Variants in IL17RD observed in about 807,000 individuals in gnomAD.
IL17RD encodes the protein interleukin-17 receptor D.
In IL17RD, 52 loss-of-function variants were observed where a neutral mutation model predicts 80.5. The ratio of observed to expected loss-of-function variants is 0.65; its 90% CI spans 0.52 to 0.81. IL17RD has a LOEUF of 0.81. Ranked by LOEUF, IL17RD falls within the 40% of genes least tolerant of loss-of-function variation. The probability of loss-of-function intolerance (pLI) is 0.00; values close to 1 mark genes in which losing one functional copy is unlikely to be tolerated. For synonymous variants in IL17RD, 416 were observed against 391.8 expected (o/e 1.06, Z -0.73); for missense variants, 1,024 against 955.1 (o/e 1.07, Z -0.95).
chr3:57,134,652 C>T (rs1010233733), intron 1 of IL17RD: 23 of 753,076 alleles, frequency 3.1e-5, no homozygotes, highest in Non-Finnish European at 5.4e-5. Context: ...ACGCAAGCAC[C>T]ATGAAGACCG....
chr3:57,140,028 A>C (rs1417343412), intron 1 of IL17RD, among the ~76,000 whole-genome samples: 1 of 152,174 alleles, frequency 6.6e-6, no homozygotes, highest in Non-Finnish European at 1.5e-5. Context: ...GGCCCTGGAA[A>C]AAAGTACTGA....
chr3:57,134,736 T>A, intron 1 of IL17RD: 1 of 623,270 alleles, frequency 1.6e-6, no homozygotes, highest in South Asian at 1.5e-5. Flanking sequence ...GCTCCCCCTT[T>A]GTCTGTACAT....
intron 1 of IL17RD, among the ~76,000 whole-genome samples, chr3:57,139,869 C>A (rs1286674930): frequency 2.0e-5 from 3 of 152,128 alleles, no homozygotes; most frequent in Non-Finnish European, 4.4e-5. Context: ...ACTGCTAGAT[C>A]ATTTAAAATA....
intron 1 of IL17RD, among the ~76,000 whole-genome samples, chr3:57,149,028 C>T (rs926212530): frequency 1.3e-5 from 2 of 152,248 alleles, no homozygotes; most frequent in South Asian, 4.1e-4. Flanking sequence ...AAGCAGATTC[C>T]TGGCCAGGCG....
At chr3:57,103,482 G>A (rs559380518) in intron 8 of IL17RD, among the ~76,000 whole-genome samples, 1 of 152,104 alleles carries the variant, frequency 6.6e-6, no homozygotes, top group Non-Finnish European at 1.5e-5. Context: ...GATTTTACTG[G>A]GCCTCCATTA....
rs138685923 is a variant in IL17RD, at chr3:57,159,695, TG to T, written c.126+5465del. Among the ~76,000 whole-genome samples, 1,492 of 152,082 alleles carry T rather than the reference TG, an allele frequency of 9.8e-3. 15 individuals are homozygous for T. The highest frequency in any genetic ancestry group is 0.034 in the African/African-American group (1,421 of 41,486). ...TCCAAATTTGGGAGTAGATGGGAAA[TG>T]GAAAAGGTCTGGCTGCCAGGGCAGG... On this transcript the variant is annotated intron_variant, in intron 1 of 12. Coordinates refer to ENST00000296318, the MANE Select transcript of IL17RD (RefSeq NM_017563.5).
intron 1 of IL17RD, among the ~76,000 whole-genome samples, chr3:57,161,803 T>C (rs1055852746): frequency 2.0e-5 from 3 of 152,212 alleles, no homozygotes; most frequent in African/African-American, 7.2e-5. Context: ...AACAAAACCA[T>C]TCCACTCTAG....
intron 1 of IL17RD, among the ~76,000 whole-genome samples, chr3:57,144,794 G>A (rs1276505535): frequency 1.3e-5 from 2 of 152,240 alleles, no homozygotes; most frequent in Non-Finnish European, 2.9e-5. Context: ...ACCTGTGGGT[G>A]GGGCGGGGCT....
chr3:57,101,662 T>G (rs1706833840), intron 10 of IL17RD, among the ~76,000 whole-genome samples: 1 of 152,242 alleles, frequency 6.6e-6, no homozygotes, highest in South Asian at 2.1e-4. Context: ...TGCCCAGAAC[T>G]GGCTCTTGCA....
chr3:57,096,229 G>A lies in IL17RD; in HGVS notation c.*164C>T, dbSNP rs1376027079. 17 of 602,272 alleles carry A rather than the reference G, an allele frequency of 2.8e-5. No homozygotes were observed. The highest frequency in any genetic ancestry group is 1.7e-4 in the South Asian group (8 of 48,086). The allele number at this position is 602,272 out of a possible 1,614,324, so 37.3% of individuals were successfully genotyped here. A position where few individuals can be genotyped will look rare whatever the true frequency, so the allele number is the denominator to read the frequency against. ...AATTGGAGAGTTTGTCAAGATATCC[G>A]GTAAAGGGTTGGGGCAAGGGAGAAC... On this transcript the variant is annotated 3_prime_UTR_variant, in exon 13 of 13. Coordinates refer to ENST00000296318, the MANE Select transcript of IL17RD (RefSeq NM_017563.5).
chr3:57,116,456 G>A (rs1376567979), intron 2 of IL17RD, among the ~76,000 whole-genome samples: 2 of 45,064 alleles, frequency 4.4e-5, no homozygotes, highest in African/African-American at 9.2e-5. Context: ...GCTAATTTTT[G>A]TATTTTTTAG....
At position 57,149,252 on chromosome 3, in the gene IL17RD, C is replaced by T. The variant is rs777175040; in HGVS notation, c.126+15909G>A. 4.6e-5 allele frequency among the ~76,000 whole-genome samples: 7 copies of T among 151,026 alleles called. No individual in the cohort carries two copies. The East Asian group carries it at 5.8e-4, about 13-fold the overall frequency. ...TGGAAGTTGAAGTGAGCTGAAATCA[C>T]GCCATTACATTCCAGCCTGGGTGAC... On this transcript the variant is annotated intron_variant, in intron 1 of 12. Transcript: ENST00000296318.
chr3:57,099,311 G>A (rs1706773381), intron 11 of IL17RD, among the ~76,000 whole-genome samples: 1 of 152,124 alleles, frequency 6.6e-6, no homozygotes, highest in African/African-American at 2.4e-5. Context: ...CCCCAAAGGC[G>A]GTCTGGTAGA....
chr3:57,103,986 G>C lies in IL17RD; in HGVS notation c.813+356C>G, dbSNP rs577474560. Among the ~76,000 whole-genome samples the C allele has an allele frequency of 2.0e-5, 3 of 152,220 alleles. No individual in the cohort carries two copies. The East Asian group carries it at 5.8e-4, about 29-fold the overall frequency. ...ATAGAAGAATAGCAACAGAAACTTA[G>C]AGAAGTATAGGCAAAATGGGCATAA... On this transcript the variant is annotated intron_variant, in intron 8 of 12. Transcript: ENST00000296318.
chr3:57,103,094 G>A lies in IL17RD; in HGVS notation c.865C>T (p.Pro289Ser). The A allele has an allele frequency of 6.3e-7, 1 of 1,597,106 alleles. No homozygotes were observed. Among genetic ancestry groups the A allele is most frequent in the Non-Finnish European group, 8.5e-7 (1 of 1,170,574 alleles). ...TRKVMHYALK[P>S]VHSPWAGPIR... ...TTTCAAACAAAAAAGCACCTACCTG[G>A]CTTTAAGGCATAATGCATCACTTTT... Residue 289 changes from proline (P) to serine (S), a missense_variant, in exon 9 of 13, where the codon CCA becomes TCA. Physicochemically the swap from Pro to Ser is moderately conservative, Grantham distance 74. Coordinates refer to ENST00000296318, the MANE Select transcript of IL17RD (RefSeq NM_017563.5).
At chr3:57,102,018 A>ATTT (rs1706842378) in intron 10 of IL17RD, among the ~76,000 whole-genome samples, 1 of 4,664 alleles carries the variant, frequency 2.1e-4, no homozygotes, top group Admixed American at 5.2e-3. Flanking sequence ...CCAGCATGAG[A>ATTT]GGGAGGCTGA....
At chr3:57,140,602 G>A (rs1385246369) in intron 1 of IL17RD, among the ~76,000 whole-genome samples, 1 of 152,206 alleles carries the variant, frequency 6.6e-6, no homozygotes, top group African/African-American at 2.4e-5. Context: ...TTTGACAGAT[G>A]TACATCCATA....
At chr3:57,132,462 A>AAAC (rs749597457) in intron 1 of IL17RD, among the ~76,000 whole-genome samples, 8 of 152,150 alleles carry the variant, frequency 5.3e-5, no homozygotes, top group African/African-American at 9.7e-5. Context: ...TCTGTCTCAA[A>AAAC]AACAACAACA....
At chr3:57,139,984 T>C (rs765611212) in intron 1 of IL17RD, among the ~76,000 whole-genome samples, 55 of 152,078 alleles carry the variant, frequency 3.6e-4, no homozygotes, top group Non-Finnish European at 4.9e-4. Context: ...GAATCAAATG[T>C]TTTCATATGT....
Sources: gnomAD v4.1 joint callset for allele counts (sites outside exome capture counted in the v4.1 genomes callset) on GRCh38, gnomAD v4.1.1 for gene constraint, MANE v1.5 for transcripts, NCBI Gene and HGNC (gene_info 2026-07-23, HGNC 2026-07-21) for gene names.